The following SNRPN variants were observed in gnomAD, a reference collection of about 807,000 sequenced individuals.
SNRPN encodes the protein small nuclear ribonucleoprotein-associated protein N.
SNRPN carries 7 observed loss-of-function variants against 25.2 expected under a neutral mutation model. The ratio of observed to expected loss-of-function variants is 0.28; its 90% CI spans 0.16 to 0.52. SNRPN has a LOEUF of 0.52. SNRPN is among the 20% of genes least tolerant of loss of function. SNRPN has a pLI of 0.96. For missense variants in SNRPN, 196 were observed against 322.5 expected, an observed-to-expected ratio of 0.61 and a Z score of 3.00; for synonymous variants, 124 against 110.6, an observed-to-expected ratio of 1.12 and a Z score of -0.76.
At chr15:24,970,088 T>C (rs2076208720) in intron 3 of SNRPN, among the ~76,000 whole-genome samples, 1 of 152,136 alleles carries the variant, frequency 6.6e-6, no homozygotes, top group Non-Finnish European at 1.5e-5. Context: ...TGATAAAGAA[T>C]AGATTATAGA....
At chr15:24,878,288 A>G (rs1052930025) in intron 1 of SNRPN, among the ~76,000 whole-genome samples, 1 of 152,130 alleles carries the variant, frequency 6.6e-6, no homozygotes, top group Non-Finnish European at 1.5e-5. Context: ...CATGGCTATT[A>G]CCGCAACCAC....
rs72120147 is a variant in SNRPN, at chr15:24,877,661, A to AACACACACACACACACACAC, written c.-578-8839_-578-8820dup. Among the ~76,000 whole-genome samples, 77 of 144,758 alleles carry AACACACACACACACACACAC rather than the reference A, an allele frequency of 5.3e-4. 1 individual carries two copies. Among genetic ancestry groups the AACACACACACACACACACAC allele is most frequent in the African/African-American group, 1.9e-3 (76 of 39,078 alleles). The allele number at this position is 144,758 out of a possible 152,430, so 95.0% of individuals were successfully genotyped here. On this transcript the variant is annotated intron_variant, in intron 1 of 11. Transcript: ENST00000400097. ...CCAATATGGTGAAACATCTCTACAA[A>AACACACACACACACACACAC]ACACACACACACACACACACACACA...
upstream of SNRPN, among the ~76,000 whole-genome samples, chr15:24,950,859 C>CTT (rs78858293): frequency 1.4e-5 from 2 of 140,320 alleles, no homozygotes; most frequent in South Asian, 2.3e-4. Context: ...CTATGTTTTC[C>CTT]TTTTTTTTTT....
intron 3 of SNRPN, among the ~76,000 whole-genome samples, chr15:24,935,932 A>G (rs1031899055): frequency 2.0e-5 from 3 of 151,940 alleles, no homozygotes; most frequent in Admixed American, 6.6e-5. Context: ...TGGCCAACAT[A>G]GTGAAAACCA....
At chr15:24,828,792 A>C (rs1394808796) in intron 1 of SNRPN, among the ~76,000 whole-genome samples, 1 of 152,060 alleles carries the variant, frequency 6.6e-6, no homozygotes, top group Non-Finnish European at 1.5e-5. Flanking sequence ...ATGTAGCTGA[A>C]TCTTGGAAAT....
At chr15:24,834,511 C>T (rs2050840430) in intron 2 of SNRPN, among the ~76,000 whole-genome samples, 1 of 151,894 alleles carries the variant, frequency 6.6e-6, no homozygotes, top group Non-Finnish European at 1.5e-5. Flanking sequence ...ACCAGATGCA[C>T]AGTGTGAAAA....
At chr15:24,881,926 A>C (rs2056729786) in intron 1 of SNRPN, among the ~76,000 whole-genome samples, 1 of 152,142 alleles carries the variant, frequency 6.6e-6, no homozygotes, top group Non-Finnish European at 1.5e-5. Context: ...AGAGCGCTAG[A>C]GGCGGAACAA....
intron 5 of SNRPN, 84 bp from the exon 6 acceptor site, chr15:24,976,217 CTTAA>C: frequency 9.9e-7 from 1 of 1,005,620 alleles, no homozygotes; most frequent in South Asian, 1.4e-5. Flanking sequence ...CATCAGTTGT[CTTAA>C]TTGATACTTG....
At chr15:24,888,801 G>T (rs764664039) in intron 2 of SNRPN, among the ~76,000 whole-genome samples, 1 of 152,222 alleles carries the variant, frequency 6.6e-6, no homozygotes, top group African/African-American at 2.4e-5. Context: ...TGCAATCAAT[G>T]TAGGCATATA....
chr15:24,888,548 A>G (rs12443099), intron 2 of SNRPN, among the ~76,000 whole-genome samples: 20,225 of 152,178 alleles, frequency 0.13, 1,507 homozygotes, highest in Middle Eastern at 0.28. Context: ...GTAAGAATGC[A>G]AAAGTAATTA....
intron 2 of SNRPN, among the ~76,000 whole-genome samples, chr15:24,899,232 T>C (rs1308730956): frequency 6.6e-6 from 1 of 152,218 alleles, no homozygotes; most frequent in Non-Finnish European, 1.5e-5. Context: ...ATCAATGATC[T>C]GTTTAAAATA....
intron 3 of SNRPN, among the ~76,000 whole-genome samples, chr15:24,969,498 C>G (rs1018829519): frequency 6.6e-6 from 1 of 152,170 alleles, no homozygotes; most frequent in Non-Finnish European, 1.5e-5. Flanking sequence ...CCTTTATACA[C>G]AACATTTTCT....
intron 2 of SNRPN, among the ~76,000 whole-genome samples, chr15:24,908,532 A>G (rs1216448437): frequency 1.3e-5 from 2 of 152,146 alleles, no homozygotes; most frequent in Admixed American, 6.6e-5. Flanking sequence ...GAAATGAGGG[A>G]TATCTTATTG....
intron 1 of SNRPN, among the ~76,000 whole-genome samples, chr15:24,871,558 CT>C (rs2055120388): frequency 6.6e-6 from 1 of 151,820 alleles, no homozygotes; most frequent in African/African-American, 2.4e-5. Context: ...TTTATGTGCC[CT>C]TTGGGGATAC....
chr15:24,976,443 A>C (rs771743216), intron 6 of SNRPN, 27 bp downstream of exon 6: 1 of 1,458,062 alleles, frequency 6.9e-7, no homozygotes, highest in Non-Finnish European at 9.6e-7. Flanking sequence ...GCAGGACAGA[A>C]CTTTAATTTG....
chr15:24,933,455 G>A (rs1248533301), intron 3 of SNRPN, among the ~76,000 whole-genome samples: 3 of 151,962 alleles, frequency 2.0e-5, no homozygotes, highest in Non-Finnish European at 4.4e-5. Flanking sequence ...TGGGGAAAAC[G>A]GTGGTTGAGT....
At chr15:24,903,292 CAG>C (rs1221137512) in intron 2 of SNRPN, among the ~76,000 whole-genome samples, 2 of 152,208 alleles carry the variant, frequency 1.3e-5, no homozygotes, top group Non-Finnish European at 2.9e-5. Flanking sequence ...AGCTTCCTAA[CAG>C]GGATTCCACA....
chr15:24,889,918 T>TAC (rs1213417770), intron 2 of SNRPN, among the ~76,000 whole-genome samples: 1 of 151,360 alleles, frequency 6.6e-6, no homozygotes, highest in Non-Finnish European at 1.5e-5. Context: ...GGTGTGGTGG[T>TAC]ACACGCTTGT....
At chr15:24,868,392 C>T (rs569595637) in intron 1 of SNRPN, among the ~76,000 whole-genome samples, 1 of 152,260 alleles carries the variant, frequency 6.6e-6, no homozygotes, top group African/African-American at 2.4e-5. Context: ...CCCATGTTGG[C>T]TTCTCCCACA....
Sources: allele counts gnomAD v4.1 joint callset (sites outside exome capture counted in the v4.1 genomes callset), GRCh38; gene constraint gnomAD v4.1.1; transcripts MANE v1.5; gene names NCBI Gene and HGNC (gene_info 2026-07-23, HGNC 2026-07-21).